NBPF26: variants seen among roughly 807,000 people sequenced by gnomAD.
The protein encoded by NBPF26 is NBPF family member NBPF26.
Under a neutral mutation model 119.6 loss-of-function variants are expected in NBPF26, and 79 were observed. The observed-to-expected ratio is 0.66, with a 90% CI of 0.55 to 0.80. The LOEUF is 0.80. Ranked by LOEUF, NBPF26 falls within the 30% of genes least tolerant of loss-of-function variation. The probability of loss-of-function intolerance (pLI) is 0.00; values close to 1 mark genes in which losing one functional copy is unlikely to be tolerated. For synonymous variants in NBPF26, 299 were observed against 457.7 expected (o/e 0.65, Z 4.43); for missense variants, 800 against 1,198.2 (o/e 0.67, Z 4.91).
chr1:120,724,485 C>T (rs1470714557), intron 1 of NBPF26, among the ~76,000 whole-genome samples: 1 of 121,496 alleles, frequency 8.2e-6, no homozygotes, highest in South Asian at 2.4e-4. Flanking sequence ...GGACCCCTCA[C>T]ACGCCTCCTC....
chr1:120,788,106 G>A lies in NBPF26; in HGVS notation c.415+2873G>A, dbSNP rs1240225927. On this transcript the variant is annotated intron_variant, in intron 3 of 29. Coordinates refer to ENST00000620612, the Ensembl canonical transcript of NBPF26. ...GTAGTCCCGCCTGGATTGGGCTGTT[G>A]TAGTTGCCCATTGACCTTAATCACA... Among the ~76,000 whole-genome samples the A allele has an allele frequency of 3.3e-5, 2 of 60,402 alleles. 1 individual carries two copies. Among genetic ancestry groups the A allele is most frequent in the Non-Finnish European group, 5.6e-5 (2 of 35,932 alleles). 39.6% of individuals were successfully genotyped at this position (60,402 alleles called of 152,430 possible).
In NBPF26 at chr1:120,752,664, G is replaced by A. The variant is rs1478135737; in HGVS notation, c.74-10964G>A. Among the ~76,000 whole-genome samples the A allele has an allele frequency of 4.7e-4, 20 of 42,378 alleles. 3 individuals are homozygous for A. The highest frequency in any genetic ancestry group is 5.2e-4 in the Non-Finnish European group (14 of 27,082). The allele number at this position is 42,378 out of a possible 152,430, so 27.8% of individuals were successfully genotyped here. A position where few individuals can be genotyped will look rare whatever the true frequency, so the allele number is the denominator to read the frequency against. ...TGGCTCATTGCAAGCTCCGCCTCCC[G>A]GGTTCATGCCATTCTCCTGCCTCAG... On this transcript the variant is annotated intron_variant, in intron 1 of 29. Coordinates refer to ENST00000620612, the Ensembl canonical transcript of NBPF26.
chr1:120,840,380 G>T lies in NBPF26; in HGVS notation c.4134G>T (p.Glu1378Asp). 2.7e-6 allele frequency: 4 copies of T among 1,461,164 alleles called. 1 individual carries two copies. Among genetic ancestry groups the T allele is most frequent in the African/African-American group, 4.5e-5 (2 of 44,928 alleles). 90.5% of individuals were successfully genotyped at this position (1,461,164 alleles called of 1,614,324 possible). Residue 1378 changes from glutamate to aspartate, a missense_variant, in exon 30 of 30, where the codon GAG becomes GAT. Physicochemically the swap from Glu to Asp is conservative, Grantham distance 45. Coordinates refer to ENST00000620612, the Ensembl canonical transcript of NBPF26. Reference sequence around the variant, plus strand: ...ACAGCATGCTGATGGAAGTGGAAGAGCCTGAAGTCTTGCAGGACTCACTGG... The same window carrying T: ...ACAGCATGCTGATGGAAGTGGAAGATCCTGAAGTCTTGCAGGACTCACTGG...
Position 120,785,089 on chromosome 1 carries a change from C to T in NBPF26, c.271C>T (p.Arg91Trp), listed in dbSNP as rs1485122383. 156 of 1,446,014 alleles carry T rather than the reference C, an allele frequency of 1.1e-4. 32 individuals are homozygous for T. The highest frequency in any genetic ancestry group is 8.2e-4 in the East Asian group (35 of 42,894). The allele number at this position is 1,446,014 out of a possible 1,614,324, so 89.6% of individuals were successfully genotyped here. A position where few individuals can be genotyped will look rare whatever the true frequency, so the allele number is the denominator to read the frequency against. The change falls in exon 3 of 30, where the codon CGG becomes TGG. Residue 91 changes from arginine (R) to tryptophan (W), a missense_variant. By Grantham distance (101) the Arg-to-Trp change is moderately radical. Coordinates refer to ENST00000620612, the Ensembl canonical transcript of NBPF26. The stretch of plus-strand genomic sequence containing the variant: ...GGCCATGCTGGGGAAAGCCACGTGC[C>T]GGTGTGCCTCAGGGTTTACAGGAGA...
chr1:120,812,303 T>C lies in NBPF26; in HGVS notation c.1774+208T>C, dbSNP rs1251903252. 6.1e-5 allele frequency among the ~76,000 whole-genome samples: 5 copies of C among 82,090 alleles called. 2 individuals carry two copies. Among genetic ancestry groups the C allele is most frequent in the Non-Finnish European group, 1.1e-4 (5 of 45,974 alleles). The allele number at this position is 82,090 out of a possible 152,430, so 53.9% of individuals were successfully genotyped here. On this transcript the variant is annotated intron_variant, in intron 10 of 29. Transcript: ENST00000620612. ...TTCCATGTTTGCAATCAGGTGGGGG[T>C]GGGACTAGAGTTAAACTGCCATTTA...
intron 2 of NBPF26, among the ~76,000 whole-genome samples, chr1:120,779,724 T>C (rs1651341088): frequency 8.2e-6 from 1 of 122,228 alleles, no homozygotes; most frequent in Non-Finnish European, 1.7e-5. Flanking sequence ...ATGTTTTCAC[T>C]CTCTAACCAA....
At chr1:120,814,386 C>T (rs1378989428) in intron 11 of NBPF26, among the ~76,000 whole-genome samples, 2 of 109,570 alleles carry the variant, frequency 1.8e-5, no homozygotes, top group Non-Finnish European at 1.7e-5. Context: ...ATCAATGTTG[C>T]CTTCTCGACC....
At chr1:120,828,692 AT>A (rs1652278658) in intron 18 of NBPF26, among the ~76,000 whole-genome samples, 1 of 106,000 alleles carries the variant, frequency 9.4e-6, no homozygotes, top group African/African-American at 6.1e-5. Context: ...CCTAGCAACC[AT>A]TTGGGGGCAA....
intron 2 of NBPF26, among the ~76,000 whole-genome samples, chr1:120,766,097 T>A (rs1651192002): frequency 2.5e-5 from 1 of 40,636 alleles, no homozygotes. Context: ...TGTATACCTA[T>A]GAAACAAACC....
At chr1:120,842,146 TATA>T (rs1652533607), downstream of NBPF26, among the ~76,000 whole-genome samples, 2 of 109,942 alleles carry the variant, frequency 1.8e-5, no homozygotes, top group South Asian at 5.2e-4. Context: ...CATTCAGTGT[TATA>T]ATATTTGATT....
rs1571029909 is a variant in NBPF26 at position 120,790,761 on chromosome 1, G to A, written c.416-2400G>A. On this transcript the variant is annotated intron_variant, in intron 3 of 29. Coordinates refer to ENST00000620612, the Ensembl canonical transcript of NBPF26. ...ATTACAGGTATGCGCTATGAAGCCCGGCTAATTTTTGTATTTTTAGAAAAG... is the reference window on the plus strand; with the variant it reads ...ATTACAGGTATGCGCTATGAAGCCCAGCTAATTTTTGTATTTTTAGAAAAG... Among the ~76,000 whole-genome samples, 16 of 108,186 alleles carry A rather than the reference G, an allele frequency of 1.5e-4. 3 individuals are homozygous for A. In the South Asian group the frequency reaches 3.5e-3, roughly 24 times the overall value. 71.0% of individuals were successfully genotyped at this position (108,186 alleles called of 152,430 possible). A position where few individuals can be genotyped will look rare whatever the true frequency, so the allele number is the denominator to read the frequency against.
Position 120,728,837 on chromosome 1 carries a change from G to A in NBPF26, c.73+4587G>A, listed in dbSNP as rs1438126280. Among the ~76,000 whole-genome samples, 3 of 108,334 alleles carry A rather than the reference G, an allele frequency of 2.8e-5. 1 individual carries two copies. The highest frequency in any genetic ancestry group is 1.7e-4 in the African/African-American group (3 of 17,286). 71.1% of individuals were successfully genotyped at this position (108,334 alleles called of 152,430 possible). On this transcript the variant is annotated intron_variant, in intron 1 of 29. Coordinates refer to ENST00000620612, the Ensembl canonical transcript of NBPF26. ...CTTTTTTTTTTTTTGAACCAAGAGA[G>A]TCCCCTGAACACCCTACTGACAAAA...
At position 120,784,075 on chromosome 1, in the gene NBPF26, G is replaced by C. The variant is rs1318123159; in HGVS notation, c.156-899G>C. Among the ~76,000 whole-genome samples the C allele has an allele frequency of 1.7e-5, 2 of 117,142 alleles. 1 individual carries two copies. Among genetic ancestry groups the C allele is most frequent in the South Asian group, 5.0e-4 (2 of 4,024 alleles). 76.8% of individuals were successfully genotyped at this position (117,142 alleles called of 152,430 possible). Reference sequence around the variant, plus strand: ...ATTAGGCTACAGTCATAGAAGGTTAGCTGTGAAACAATAATTTGGAAAGGT... The same window carrying C: ...ATTAGGCTACAGTCATAGAAGGTTACCTGTGAAACAATAATTTGGAAAGGT... On this transcript the variant is annotated intron_variant, in intron 2 of 29. Transcript: ENST00000620612.
chr1:120,767,695 A>G (rs1213957400), intron 2 of NBPF26, among the ~76,000 whole-genome samples: 1 of 112,392 alleles, frequency 8.9e-6, no homozygotes, highest in Non-Finnish European at 1.7e-5. Flanking sequence ...AGGTGTAAAT[A>G]TGTAATTAAA....
chr1:120,838,523 TG>T (rs1652449255), intron 27 of NBPF26, among the ~76,000 whole-genome samples: 1 of 83,784 alleles, frequency 1.2e-5, no homozygotes, highest in African/African-American at 5.4e-5. Flanking sequence ...TGTGTGTGTG[TG>T]TGTGTGTGTG....
intron 18 of NBPF26, among the ~76,000 whole-genome samples, chr1:120,829,357 A>T (rs1232985536): frequency 3.0e-4 from 3 of 10,002 alleles, no homozygotes; most frequent in Non-Finnish European, 1.7e-4. Flanking sequence ...GATCTTGTAG[A>T]TTTCATCCTT....
Position 120,737,797 on chromosome 1 carries a change from A to T in NBPF26, c.73+13547A>T, listed in dbSNP as rs1650921843. On this transcript the variant is annotated intron_variant, in intron 1 of 29. Transcript: ENST00000620612. ...TTCTCAGAAAAGGGCTTTATATTTT[A>T]ACATTTGTTTCCCTTGACAGTTTGC... is the stretch of plus-strand genomic sequence containing the variant. Among the ~76,000 whole-genome samples the T allele has an allele frequency of 1.7e-5, 2 of 121,088 alleles. 1 individual carries two copies. The highest frequency in any genetic ancestry group is 3.3e-5 in the Non-Finnish European group (2 of 60,018). The allele number at this position is 121,088 out of a possible 152,430, so 79.4% of individuals were successfully genotyped here. A position where few individuals can be genotyped will look rare whatever the true frequency, so the allele number is the denominator to read the frequency against.
At chr1:120,840,653 G>A (rs1216831606), downstream of NBPF26, 36 of 1,444,958 alleles carry the variant, frequency 2.5e-5, 6 homozygotes, top group East Asian at 3.7e-4. Context: ...GGCACGTGAA[G>A]ATTTGAATGA....
At chr1:120,812,958 A>G (rs1476652290) in intron 10 of NBPF26, among the ~76,000 whole-genome samples, 3 of 115,876 alleles carry the variant, frequency 2.6e-5, no homozygotes, top group East Asian at 2.1e-4. Context: ...TAATAATAAT[A>G]AATAAAAATA....
Sources: gnomAD v4.1 joint callset for allele counts (sites outside exome capture counted in the v4.1 genomes callset) on GRCh38, gnomAD v4.1.1 for gene constraint, MANE v1.5 for transcripts, NCBI Gene and HGNC (gene_info 2026-07-23, HGNC 2026-07-21) for gene names.